CTNNA2: variants seen among roughly 807,000 people sequenced by gnomAD.
CTNNA2 encodes the protein catenin alpha-2.
A neutral mutation model predicts 101.0 loss-of-function variants in CTNNA2; 42 were observed. The ratio of observed to expected loss-of-function variants is 0.42; its 90% CI spans 0.32 to 0.54. The LOEUF (loss-of-function observed/expected upper bound fraction) is 0.54. CTNNA2 is among the 20% of genes least tolerant of loss of function. The probability of loss-of-function intolerance (pLI) is 0.14; values close to 1 mark genes in which losing one functional copy is unlikely to be tolerated. For synonymous variants in CTNNA2, 450 were observed against 456.4 expected (o/e 0.99, Z 0.18); for missense variants, 871 against 1,223.1 (o/e 0.71, Z 4.29).
intron 2 of CTNNA2, among the ~76,000 whole-genome samples, chr2:79,664,705 C>CTTTTTTTTT (rs67782114): frequency 1.1e-5 from 1 of 94,986 alleles, no homozygotes; most frequent in African/African-American, 4.4e-5. Flanking sequence ...TCACATTCTT[C>CTTTTTTTTT]TTTTTTTTTT....
At chr2:79,936,594 CTTAA>C (rs1687810317) in intron 7 of CTNNA2, among the ~76,000 whole-genome samples, 1 of 151,488 alleles carries the variant, frequency 6.6e-6, no homozygotes, top group Admixed American at 6.6e-5. Context: ...TGTAGACAGG[CTTAA>C]TTAAAGTTGT....
chr2:80,110,973 C>T, intron 7 of CTNNA2, among the ~76,000 whole-genome samples: 1 of 152,146 alleles, frequency 6.6e-6, no homozygotes, highest in East Asian at 1.9e-4. Flanking sequence ...CCTCAGGAAA[C>T]TTATGATCGT....
chr2:79,464,001 T>C (rs1670905995), intron 4 of CTNNA2, among the ~76,000 whole-genome samples: 1 of 151,584 alleles, frequency 6.6e-6, no homozygotes, highest in African/African-American at 2.4e-5. Context: ...TTTTTTTTAA[T>C]ACTCTAAGTT....
chr2:80,464,627 A>G (rs950273091), intron 9 of CTNNA2, among the ~76,000 whole-genome samples: 24 of 152,156 alleles, frequency 1.6e-4, no homozygotes, highest in African/African-American at 5.8e-4. Flanking sequence ...TTTGTCATTA[A>G]GTTTTTTTCT....
intron 7 of CTNNA2, among the ~76,000 whole-genome samples, chr2:80,034,560 G>A (rs1386643382): frequency 2.0e-5 from 3 of 151,884 alleles, no homozygotes; most frequent in East Asian, 1.9e-4. Context: ...CACCATTTTG[G>A]CCAGGCTGAT....
chr2:80,161,575 C>T (rs1704321801), intron 7 of CTNNA2, among the ~76,000 whole-genome samples: 1 of 152,142 alleles, frequency 6.6e-6, no homozygotes, highest in African/African-American at 2.4e-5. Context: ...GTCTCCATTA[C>T]ATGTGTCTTT....
intron 4 of CTNNA2, among the ~76,000 whole-genome samples, chr2:79,380,263 T>TC (rs1452310887): frequency 1.3e-5 from 2 of 151,076 alleles, no homozygotes; most frequent in African/African-American, 4.9e-5. Flanking sequence ...TTTCTTTCTT[T>TC]TTTTTTTTCC....
chr2:79,419,849 C>T (rs1302043236), intron 4 of CTNNA2, among the ~76,000 whole-genome samples: 2 of 152,186 alleles, frequency 1.3e-5, no homozygotes, highest in South Asian at 2.1e-4. Context: ...CATGACCCCA[C>T]CCTTTGTCTT....
At chr2:80,194,152 ATTTCTCAC>A (rs1706690932) in intron 7 of CTNNA2, among the ~76,000 whole-genome samples, 1 of 151,960 alleles carries the variant, frequency 6.6e-6, no homozygotes, top group Non-Finnish European at 1.5e-5. Flanking sequence ...GCCAATTGCC[ATTTCTCAC>A]CGCTTTGTAG....
At chr2:80,407,240 T>G (rs1363588279) in intron 8 of CTNNA2, among the ~76,000 whole-genome samples, 1 of 152,208 alleles carries the variant, frequency 6.6e-6, no homozygotes, top group Non-Finnish European at 1.5e-5. Flanking sequence ...TGGGGGCTCT[T>G]AGAGGCCACA....
chr2:79,704,848 C>A (rs78642823), intron 2 of CTNNA2, among the ~76,000 whole-genome samples: 10 of 152,050 alleles, frequency 6.6e-5, no homozygotes, highest in Admixed American at 5.2e-4. Context: ...CCTCTCTACC[C>A]CTTTCAAGCA....
At chr2:79,916,908 C>G (rs893427597) in intron 7 of CTNNA2, among the ~76,000 whole-genome samples, 2 of 152,084 alleles carry the variant, frequency 1.3e-5, no homozygotes, top group Non-Finnish European at 2.9e-5. Context: ...CAGGCTTGAG[C>G]CGCTGTGCCC....
At chr2:79,467,565 C>T (rs1670952859) in intron 4 of CTNNA2, among the ~76,000 whole-genome samples, 1 of 152,124 alleles carries the variant, frequency 6.6e-6, no homozygotes, top group Non-Finnish European at 1.5e-5. Context: ...AACTCCAAGA[C>T]ACATAATTGT....
At chr2:79,419,289 G>A (rs1678515040) in intron 4 of CTNNA2, among the ~76,000 whole-genome samples, 1 of 152,124 alleles carries the variant, frequency 6.6e-6, no homozygotes. Context: ...ACTCATAAAT[G>A]AGACTATCAG....
At chr2:79,554,084 C>G (rs1674289718) in intron 1 of CTNNA2, among the ~76,000 whole-genome samples, 1 of 152,142 alleles carries the variant, frequency 6.6e-6, no homozygotes, top group African/African-American at 2.4e-5. Flanking sequence ...CTGTATCATT[C>G]TTGCATGCAA....
At chr2:80,362,951 A>G (rs968157521) in intron 7 of CTNNA2, among the ~76,000 whole-genome samples, 25 of 150,802 alleles carry the variant, frequency 1.7e-4, no homozygotes, top group African/African-American at 6.1e-4. Flanking sequence ...AGGCCTGTGA[A>G]TTACCACTGC....
At chr2:80,021,483 A>T (rs767730808) in intron 7 of CTNNA2, among the ~76,000 whole-genome samples, 11 of 152,066 alleles carry the variant, frequency 7.2e-5, no homozygotes, top group Non-Finnish European at 1.5e-4. Context: ...ATCAAAGACC[A>T]CCTTAACAAA....
At chr2:80,367,079 G>A (rs1198512067) in intron 7 of CTNNA2, among the ~76,000 whole-genome samples, 1 of 151,644 alleles carries the variant, frequency 6.6e-6, no homozygotes. Flanking sequence ...ATCTCAAAGA[G>A]CAGGGGGATG....
At chr2:79,414,530 T>G (rs1279642419) in intron 4 of CTNNA2, among the ~76,000 whole-genome samples, 1 of 152,100 alleles carries the variant, frequency 6.6e-6, no homozygotes, top group Non-Finnish European at 1.5e-5. Flanking sequence ...TATAGAAAAC[T>G]GTTTTAAAAC....
Sources: gnomAD v4.1 joint callset for allele counts (sites outside exome capture counted in the v4.1 genomes callset) on GRCh38, gnomAD v4.1.1 for gene constraint, MANE v1.5 for transcripts, NCBI Gene and HGNC (gene_info 2026-07-23, HGNC 2026-07-21) for gene names.